CADM1: variants seen among roughly 807,000 people sequenced by gnomAD.
CADM1 encodes cell adhesion molecule 1.
In CADM1, 15 loss-of-function variants were observed where a neutral mutation model predicts 53.1. The ratio of observed to expected loss-of-function variants is 0.28; its 90% CI spans 0.19 to 0.44. The LOEUF (loss-of-function observed/expected upper bound fraction) is 0.44. CADM1 is among the 20% of genes least tolerant of loss of function. The pLI, the probability that CADM1 is intolerant of heterozygous loss-of-function variation, is 1.00. For missense variants in CADM1, 434 were observed against 611.3 expected (o/e 0.71, Z 3.06); for synonymous variants, 281 against 243.0 (o/e 1.16, Z -1.45).
intron 1 of CADM1, among the ~76,000 whole-genome samples, chr11:115,309,725 G>A (rs774600645): frequency 3.3e-5 from 5 of 152,206 alleles, no homozygotes; most frequent in South Asian, 4.1e-4. Flanking sequence ...TCCCCCGGCC[G>A]TGTGACTTAA....
intron 1 of CADM1, among the ~76,000 whole-genome samples, chr11:115,392,037 C>G (rs1240291719): frequency 6.6e-6 from 1 of 152,134 alleles, no homozygotes; most frequent in African/African-American, 2.4e-5. Flanking sequence ...AGAAAAACAA[C>G]AAGTCGTTTC....
At chr11:115,503,119 G>A (rs1038273021) in intron 1 of CADM1, among the ~76,000 whole-genome samples, 13 of 152,070 alleles carry the variant, frequency 8.5e-5, no homozygotes, top group Admixed American at 8.5e-4. Context: ...AGGACGCCGC[G>A]CGGCTGCCAA....
chr11:115,204,388 A>G (rs1461209369), intron 8 of CADM1, among the ~76,000 whole-genome samples: 1 of 152,184 alleles, frequency 6.6e-6, no homozygotes, highest in Admixed American at 6.5e-5. Flanking sequence ...ATTGGGTTCC[A>G]ATGTGTGTAA....
chr11:115,394,774 C>T lies in CADM1; in HGVS notation c.124+109497G>A, dbSNP rs568529263. 1.5e-3 allele frequency among the ~76,000 whole-genome samples: 232 copies of T among 152,170 alleles called. 1 individual carries two copies. The highest frequency in any genetic ancestry group is 5.2e-3 in the African/African-American group (216 of 41,534). On this transcript the variant is annotated intron_variant, in intron 1 of 11. Transcript: ENST00000331581. ...AACAGGAGCTCTGTTGATTTCCCTA[C>T]GAGCCACATGACTTTGTTTTATAGT...
chr11:115,360,533 C>T (rs1284650932), intron 1 of CADM1, among the ~76,000 whole-genome samples: 2 of 152,148 alleles, frequency 1.3e-5, no homozygotes, highest in South Asian at 2.1e-4. Context: ...GCAGGTTAAG[C>T]GACTACGGCA....
At chr11:115,188,205 CAT>C (rs1157325606) in intron 10 of CADM1, among the ~76,000 whole-genome samples, 2 of 152,164 alleles carry the variant, frequency 1.3e-5, no homozygotes, top group Non-Finnish European at 2.9e-5. Flanking sequence ...TTCTATTCCA[CAT>C]GAGTGGCAAT....
At chr11:115,405,348 T>C (rs1223276050) in intron 1 of CADM1, among the ~76,000 whole-genome samples, 3 of 152,192 alleles carry the variant, frequency 2.0e-5, no homozygotes, top group Non-Finnish European at 4.4e-5. Flanking sequence ...TTGAAGAAGA[T>C]ACGAAGCTAT....
At chr11:115,277,622 C>G (rs1943479455) in intron 1 of CADM1, among the ~76,000 whole-genome samples, 1 of 152,150 alleles carries the variant, frequency 6.6e-6, no homozygotes, top group African/African-American at 2.4e-5. Context: ...ATACGCCATC[C>G]TCATGCTTGG....
intron 1 of CADM1, among the ~76,000 whole-genome samples, chr11:115,295,549 T>G (rs10891824): frequency 1.4e-4 from 7 of 51,778 alleles, no homozygotes; most frequent in African/African-American, 2.2e-4. Flanking sequence ...TATATATATA[T>G]AATATATATG....
intron 1 of CADM1, among the ~76,000 whole-genome samples, chr11:115,276,149 C>G (rs1052021048): frequency 6.6e-6 from 1 of 152,222 alleles, no homozygotes; most frequent in Non-Finnish European, 1.5e-5. Flanking sequence ...AATGCTTATA[C>G]TAGTATTTAT....
At chr11:115,189,791 G>C (rs1180972292) in intron 10 of CADM1, among the ~76,000 whole-genome samples, 1 of 152,210 alleles carries the variant, frequency 6.6e-6, no homozygotes, top group Non-Finnish European at 1.5e-5. Context: ...AACAAAACCA[G>C]CATGGCCTCC....
rs369497193 is a variant in CADM1, at chr11:115,396,344, G to A, written c.124+107927C>T. 2.6e-5 allele frequency among the ~76,000 whole-genome samples: 4 copies of A among 152,162 alleles called. No homozygotes were observed. In the East Asian group the frequency reaches 7.7e-4, roughly 29 times the overall value. The stretch of plus-strand genomic sequence containing the variant: ...GTATCAATTTATGTGCTACAGACAT[G>A]GTTGTGCTTCATTACTGTAGCATAG... On this transcript the variant is annotated intron_variant, in intron 1 of 11. Coordinates refer to ENST00000331581, the MANE Select transcript of CADM1 (RefSeq NM_001301043.2).
intron 1 of CADM1, among the ~76,000 whole-genome samples, chr11:115,357,764 TACTCA>T (rs1945915549): frequency 6.6e-6 from 1 of 152,220 alleles, no homozygotes; most frequent in South Asian, 2.1e-4. Flanking sequence ...TCTATTTACT[TACTCA>T]AAAGTATTAA....
chr11:115,178,450 T>C (rs1218936389), intron 11 of CADM1, among the ~76,000 whole-genome samples, 194 bp downstream of exon 11: 1 of 151,758 alleles, frequency 6.6e-6, no homozygotes, highest in Non-Finnish European at 1.5e-5. Flanking sequence ...ACTCCCAGAG[T>C]CCTAATCAGC....
chr11:115,257,808 C>T (rs1204454481), intron 1 of CADM1, among the ~76,000 whole-genome samples: 1 of 152,222 alleles, frequency 6.6e-6, no homozygotes, highest in Non-Finnish European at 1.5e-5. Flanking sequence ...GTTTTGCATA[C>T]ATCTGCATTC....
chr11:115,178,496 T>TTTTTTTTC, intron 11 of CADM1, 148 bp downstream of exon 11: 1 of 795,336 alleles, frequency 1.3e-6, no homozygotes, highest in Non-Finnish European at 2.1e-6. Flanking sequence ...TTTTTTTTTT[T>TTTTTTTTC]TTTTCTCTTC....
chr11:115,441,703 G>A (rs1040264499), intron 1 of CADM1, among the ~76,000 whole-genome samples: 2 of 152,112 alleles, frequency 1.3e-5, no homozygotes, highest in Non-Finnish European at 1.5e-5. Flanking sequence ...AAATCAATGA[G>A]AAGTTGTTCT....
chr11:115,310,123 T>C (rs1944491985), intron 1 of CADM1, among the ~76,000 whole-genome samples: 1 of 152,100 alleles, frequency 6.6e-6, no homozygotes, highest in South Asian at 2.1e-4. Flanking sequence ...GAAAGAATCA[T>C]ATATGCACGA....
chr11:115,294,083 T>C (rs1943982283), intron 1 of CADM1, among the ~76,000 whole-genome samples: 1 of 152,194 alleles, frequency 6.6e-6, no homozygotes, highest in East Asian at 1.9e-4. Context: ...GGGTGAAGTA[T>C]CTCAGCAGTG....
Sources: gnomAD v4.1 joint callset for allele counts (sites outside exome capture counted in the v4.1 genomes callset) on GRCh38, gnomAD v4.1.1 for gene constraint, MANE v1.5 for transcripts, NCBI Gene and HGNC (gene_info 2026-07-23, HGNC 2026-07-21) for gene names.